Variants in CCDC148 observed in about 807,000 individuals in gnomAD.
The protein encoded by CCDC148 is coiled-coil domain-containing protein 148.
A neutral mutation model predicts 85.7 loss-of-function variants in CCDC148; 89 were observed. The ratio of observed to expected loss-of-function variants is 1.04; its 90% CI spans 0.87 to 1.24. The LOEUF (loss-of-function observed/expected upper bound fraction) is 1.24, where lower values mean the gene tolerates loss of function less well. Among genes scored for constraint, CCDC148 ranks in the 50% most tolerant of loss-of-function variants. The pLI is 0.00. For synonymous variants in CCDC148, 230 were observed against 213.9 expected, an observed-to-expected ratio of 1.08 and a Z score of -0.66; for missense variants, 692 against 671.7, an observed-to-expected ratio of 1.03 and a Z score of -0.33.
At chr2:158,386,632 G>A (rs905027822) in intron 1 of CCDC148, among the ~76,000 whole-genome samples, 1 of 151,860 alleles carries the variant, frequency 6.6e-6, no homozygotes, top group African/African-American at 2.4e-5. Flanking sequence ...ATGATCTTTG[G>A]AACTATCATC....
intron 1 of CCDC148, among the ~76,000 whole-genome samples, chr2:158,387,170 A>G (rs890478728): frequency 1.3e-5 from 2 of 152,016 alleles, no homozygotes; most frequent in Non-Finnish European, 2.9e-5. Context: ...TTCCTTGGAG[A>G]ATGGCATTAG....
At chr2:158,181,026 G>T (rs1684876191) in intron 11 of CCDC148, among the ~76,000 whole-genome samples, 1 of 152,088 alleles carries the variant, frequency 6.6e-6, no homozygotes, top group Admixed American at 6.6e-5. Flanking sequence ...GGCATGACAT[G>T]ACACAACCTC....
intron 11 of CCDC148, among the ~76,000 whole-genome samples, chr2:158,185,323 G>C (rs1177484619): frequency 6.6e-6 from 1 of 152,088 alleles, no homozygotes; most frequent in Admixed American, 6.5e-5. Flanking sequence ...GTATCCTGAT[G>C]ACAGCTGAAA....
At chr2:158,340,757 AT>A in intron 3 of CCDC148, 77 bp from the exon 4 acceptor site, 1 of 830,152 alleles carries the variant, frequency 1.2e-6, no homozygotes. Flanking sequence ...CCAAAGAGAT[AT>A]TTAGTCTAAT....
intron 9 of CCDC148, among the ~76,000 whole-genome samples, chr2:158,305,515 G>A (rs1031612784): frequency 6.6e-6 from 1 of 152,112 alleles, no homozygotes; most frequent in Non-Finnish European, 1.5e-5. Flanking sequence ...GGAAGCCAAC[G>A]CAGGAAGATT....
chr2:158,172,277 C>T lies in CCDC148; in HGVS notation c.1630-18G>A. The T allele has an allele frequency of 1.3e-6, 2 of 1,555,610 alleles. No homozygotes were observed. Among genetic ancestry groups the T allele is most frequent in the East Asian group, 4.6e-5 (2 of 43,780 alleles). On this transcript the variant is annotated intron_variant, in intron 13 of 13. Transcript: ENST00000283233. ...GAAATTATCTGTAGAAATAAAAATA[C>T]AATTTAAATAACAATTCATTGAACT...
chr2:158,418,998 G>C (rs986344157), intron 1 of CCDC148, among the ~76,000 whole-genome samples: 1 of 152,072 alleles, frequency 6.6e-6, no homozygotes, highest in African/African-American at 2.4e-5. Flanking sequence ...ACTTGGCTTT[G>C]CATGCTGTAT....
At chr2:158,278,360 G>C (rs375393238) in intron 9 of CCDC148, among the ~76,000 whole-genome samples, 20 of 152,238 alleles carry the variant, frequency 1.3e-4, no homozygotes, top group Middle Eastern at 3.4e-3. Flanking sequence ...ATCAGAGAGT[G>C]CCCTTTCCTA....
intron 9 of CCDC148, among the ~76,000 whole-genome samples, chr2:158,294,691 G>T (rs2105192126): frequency 6.6e-6 from 1 of 152,140 alleles, no homozygotes; most frequent in African/African-American, 2.4e-5. Context: ...AGGCGTGGTG[G>T]CTGGTGCCTG....
rs974386060 is a variant in CCDC148, at chr2:158,194,850, G to A, written c.1371-15854C>T. The stretch of plus-strand genomic sequence containing the variant: ...TGGTCCCATGTGCTTGAACTCCTCT[G>A]ACTATTATGTTATTCTCTTTCCAGC... On this transcript the variant is annotated intron_variant, in intron 11 of 13. Transcript: ENST00000283233. 6.8e-5 allele frequency among the ~76,000 whole-genome samples: 9 copies of A among 131,686 alleles called. No individual in the cohort carries two copies. The South Asian group carries it at 1.9e-3, about 28-fold the overall frequency. 86.4% of individuals were successfully genotyped at this position (131,686 alleles called of 152,430 possible). A position where few individuals can be genotyped will look rare whatever the true frequency, so the allele number is the denominator to read the frequency against.
intron 7 of CCDC148, among the ~76,000 whole-genome samples, chr2:158,320,497 C>T (rs1055802693): frequency 6.6e-6 from 1 of 152,136 alleles, no homozygotes; most frequent in East Asian, 1.9e-4. Flanking sequence ...AAGTTGTTGT[C>T]ATGAACAATT....
At chr2:158,228,207 A>T (rs1399040632) in intron 10 of CCDC148, among the ~76,000 whole-genome samples, 1 of 152,252 alleles carries the variant, frequency 6.6e-6, no homozygotes. Flanking sequence ...ACAGGAAAAA[A>T]TGCTCATCAT....
intron 7 of CCDC148, among the ~76,000 whole-genome samples, chr2:158,324,790 G>T (rs904057992): frequency 6.6e-6 from 1 of 152,050 alleles, no homozygotes; most frequent in East Asian, 1.9e-4. Context: ...GAGTAGAGAG[G>T]CTTTTATAAC....
At chr2:158,331,043 T>C (rs1559075382) in intron 7 of CCDC148, among the ~76,000 whole-genome samples, 1 of 152,210 alleles carries the variant, frequency 6.6e-6, no homozygotes, top group African/African-American at 2.4e-5. Context: ...TTTCTCGCCT[T>C]CTGCTAGCTT....
intron 1 of CCDC148, among the ~76,000 whole-genome samples, chr2:158,392,353 A>G (rs1685348998): frequency 6.6e-6 from 1 of 152,120 alleles, no homozygotes; most frequent in Admixed American, 6.6e-5. Context: ...ATGCCTACTA[A>G]TGCACTTTTC....
intron 10 of CCDC148, among the ~76,000 whole-genome samples, chr2:158,239,930 G>T (rs1688277199): frequency 1.3e-5 from 2 of 151,684 alleles, no homozygotes; most frequent in Non-Finnish European, 2.9e-5. Context: ...TACTCCATCA[G>T]ATTCCCAAAG....
At chr2:158,353,706 T>G (rs1157978944) in intron 2 of CCDC148, among the ~76,000 whole-genome samples, 1 of 152,178 alleles carries the variant, frequency 6.6e-6, no homozygotes, top group African/African-American at 2.4e-5. Context: ...GGAATTGAAC[T>G]CAGCTCTGCA....
At chr2:158,349,572 T>C (rs978262359) in intron 2 of CCDC148, among the ~76,000 whole-genome samples, 6 of 152,030 alleles carry the variant, frequency 3.9e-5, no homozygotes, top group Non-Finnish European at 7.4e-5. Context: ...TAATTTCCAG[T>C]TATTTAATTC....
intron 9 of CCDC148, among the ~76,000 whole-genome samples, chr2:158,287,790 G>A (rs1690698902): frequency 6.6e-6 from 1 of 152,206 alleles, no homozygotes. Flanking sequence ...GCAGGATGAT[G>A]ACCCTTTTCT....
Sources: allele counts gnomAD v4.1 joint callset (sites outside exome capture counted in the v4.1 genomes callset), GRCh38; gene constraint gnomAD v4.1.1; transcripts MANE v1.5; gene names NCBI Gene and HGNC (gene_info 2026-07-23, HGNC 2026-07-21).